The following FBXW7 variants were observed in gnomAD, a reference collection of about 807,000 sequenced individuals.
The protein encoded by FBXW7 is F-box/WD repeat-containing protein 7.
FBXW7 carries 11 observed loss-of-function variants against 86.3 expected under a neutral mutation model. The ratio of observed to expected loss-of-function variants is 0.13; its 90% CI spans 0.08 to 0.21. The LOEUF is 0.21. Ranked by LOEUF, FBXW7 falls within the 10% of genes least tolerant of loss-of-function variation. FBXW7 has a pLI of 1.00. For synonymous variants in FBXW7, 313 were observed against 297.9 expected, an observed-to-expected ratio of 1.05 and a Z score of -0.52; for missense variants, 488 against 847.4, an observed-to-expected ratio of 0.58 and a Z score of 5.27.
At chr4:152,469,909 C>T (rs1173277638) in intron 2 of FBXW7, among the ~76,000 whole-genome samples, 1 of 151,966 alleles carries the variant, frequency 6.6e-6, no homozygotes, top group Non-Finnish European at 1.5e-5. Context: ...AAGTAACACG[C>T]AAAATATTTA....
intron 2 of FBXW7, among the ~76,000 whole-genome samples, chr4:152,444,892 C>T (rs573718604): frequency 6.6e-6 from 1 of 152,254 alleles, no homozygotes; most frequent in South Asian, 2.1e-4. Context: ...ACTGCAGTGG[C>T]ACAATAATAG....
intron 2 of FBXW7, among the ~76,000 whole-genome samples, chr4:152,486,069 G>A (rs945892024): frequency 4.6e-5 from 7 of 152,212 alleles, no homozygotes; most frequent in South Asian, 2.1e-4. Context: ...AACATGGTGC[G>A]TCTGAGAATA....
chr4:152,439,534 A>G (rs1740690215), intron 2 of FBXW7, among the ~76,000 whole-genome samples: 1 of 152,120 alleles, frequency 6.6e-6, no homozygotes, highest in South Asian at 2.1e-4. Flanking sequence ...CTTCAGAGAC[A>G]ACTATACTGT....
intron 2 of FBXW7, among the ~76,000 whole-genome samples, chr4:152,527,901 C>CACACACACACACAT (rs71596295): frequency 4.4e-4 from 66 of 149,290 alleles, no homozygotes; most frequent in African/African-American, 1.6e-3. Context: ...CACACACACA[C>CACACACACACACAT]ATATATATAC....
At position 152,362,717 on chromosome 4, in the gene FBXW7, A is replaced by C. The variant is rs191079250; in HGVS notation, c.502-12593T>G. On this transcript the variant is annotated intron_variant, in intron 4 of 13. Transcript: ENST00000281708. ...GTGGTGGGCACCTGTAATCTCAGCTACTTGGGAGGCTGAGGCAGAGAATTG... is the reference window on the plus strand; with the variant it reads ...GTGGTGGGCACCTGTAATCTCAGCTCCTTGGGAGGCTGAGGCAGAGAATTG... 4.1e-4 allele frequency among the ~76,000 whole-genome samples: 62 copies of C among 151,212 alleles called. 1 individual carries two copies. In the East Asian group the frequency reaches 0.01, roughly 25 times the overall value.
chr4:152,387,708 C>CTTTTTTTTTTTTTTTTTTT (rs34073737), intron 4 of FBXW7, among the ~76,000 whole-genome samples: 6 of 112,796 alleles, frequency 5.3e-5, no homozygotes, highest in African/African-American at 1.8e-4. Context: ...CATGGCATAC[C>CTTTTTTTTTTTTTTTTTTT]TTTTTTTTTT....
chr4:152,367,134 A>G (rs184052781), intron 4 of FBXW7, among the ~76,000 whole-genome samples: 2,238 of 152,146 alleles, frequency 0.015, 26 homozygotes, highest in Middle Eastern at 0.037. Context: ...CGTGGGGTTG[A>G]GGGATGGGGC....
At chr4:152,323,458 G>A in intron 13 of FBXW7, 1 of 380,080 alleles carries the variant, frequency 2.6e-6, no homozygotes, top group Non-Finnish European at 4.9e-6. Flanking sequence ...TGTAGATAGT[G>A]CAACTTCATA....
chr4:152,370,503 G>T (rs1733915192), intron 4 of FBXW7, among the ~76,000 whole-genome samples: 1 of 151,924 alleles, frequency 6.6e-6, no homozygotes, highest in African/African-American at 2.4e-5. Context: ...TGATTTAGTT[G>T]TGAGTAAATT....
rs1728677114 is a variant in FBXW7 at position 152,322,972 on chromosome 4, G to A, written c.2033C>T (p.Ser678Leu). 2 of 1,613,678 alleles carry A rather than the reference G, an allele frequency of 1.2e-6. No homozygotes were observed. The highest frequency in any genetic ancestry group is 1.7e-6 in the Non-Finnish European group (2 of 1,179,814). Residue 678 changes from serine (S) to leucine (L), a missense_variant, in exon 14 of 14, where the codon TCA (serine) becomes TTA (leucine). Ser to Leu is a moderately radical substitution (Grantham distance 145). Coordinates refer to ENST00000281708, the MANE Select transcript of FBXW7 (RefSeq NM_001349798.2). ...SGGVVWRIRASNTKLVCAVGS... is the reference protein window; with the variant it reads ...SGGVVWRIRALNTKLVCAVGS... ...AACTGCACACACCAGCTTTGTGTTT[G>A]AGGCTCTGATCCGCCACACAACTCC...
intron 2 of FBXW7, among the ~76,000 whole-genome samples, chr4:152,473,310 T>C (rs536482112): frequency 5.9e-5 from 9 of 152,344 alleles, no homozygotes; most frequent in Admixed American, 3.3e-4. Context: ...TTTACAAATA[T>C]GTAATTCTGC....
intron 4 of FBXW7, among the ~76,000 whole-genome samples, chr4:152,388,974 C>G (rs1735771711): frequency 6.6e-6 from 1 of 151,970 alleles, no homozygotes. Context: ...GGGAAAAGAA[C>G]ATGAATAAAT....
chr4:152,368,221 C>T (rs1355549212), intron 4 of FBXW7, among the ~76,000 whole-genome samples: 1 of 152,088 alleles, frequency 6.6e-6, no homozygotes, highest in African/African-American at 2.4e-5. Flanking sequence ...TACATACCAG[C>T]TGTATGGTAA....
At chr4:152,447,624 T>A (rs1741528539) in intron 2 of FBXW7, among the ~76,000 whole-genome samples, 1 of 152,220 alleles carries the variant, frequency 6.6e-6, no homozygotes, top group Non-Finnish European at 1.5e-5. Flanking sequence ...GATTTTTAAT[T>A]TGCTATATCC....
intron 2 of FBXW7, chr4:152,489,237 TCG>T (rs2149681984): frequency 6.5e-6 from 1 of 154,522 alleles, no homozygotes; most frequent in African/African-American, 2.4e-5. Flanking sequence ...TGTGTTGCCC[TCG>T]AATTTGAACT....
At chr4:152,411,966 G>T (rs1738004810) in intron 3 of FBXW7, 94 bp from the exon 4 acceptor site, 2 of 1,197,242 alleles carry the variant, frequency 1.7e-6, no homozygotes, top group Admixed American at 3.1e-5. Flanking sequence ...TATCATTAAT[G>T]ATTGCAAAAA....
chr4:152,334,052 TCAACAACAACAACAA>T (rs573332703), intron 7 of FBXW7, among the ~76,000 whole-genome samples: 2 of 151,434 alleles, frequency 1.3e-5, no homozygotes, highest in African/African-American at 4.9e-5. Flanking sequence ...AGATTCTGTC[TCAACAACAACAACAA>T]CAACAACAAC....
chr4:152,387,646 C>CT (rs1159590504), intron 4 of FBXW7, among the ~76,000 whole-genome samples: 1 of 140,246 alleles, frequency 7.1e-6, no homozygotes, highest in Non-Finnish European at 1.5e-5. Context: ...CAACATATTA[C>CT]TTTAAATGCA....
At chr4:152,383,074 CAG>C (rs993727451) in intron 4 of FBXW7, among the ~76,000 whole-genome samples, 17 of 152,038 alleles carry the variant, frequency 1.1e-4, no homozygotes, top group African/African-American at 3.9e-4. Context: ...ATCTTTGTAC[CAG>C]AGTTTTCAAT....
Sources: gnomAD v4.1 joint callset for allele counts (sites outside exome capture counted in the v4.1 genomes callset) on GRCh38, gnomAD v4.1.1 for gene constraint, MANE v1.5 for transcripts, NCBI Gene and HGNC (gene_info 2026-07-23, HGNC 2026-07-21) for gene names.